The following ARHGAP30 variants were observed in gnomAD, a reference collection of about 807,000 sequenced individuals.
ARHGAP30 encodes rho GTPase-activating protein 30.
A neutral mutation model predicts 72.0 loss-of-function variants in ARHGAP30; 23 were observed. The ratio of observed to expected loss-of-function variants is 0.32; its 90% CI spans 0.23 to 0.45. The LOEUF is 0.45. ARHGAP30 is among the 20% of genes least tolerant of loss of function. The pLI, the probability that ARHGAP30 is intolerant of heterozygous loss-of-function variation, is 1.00. For synonymous variants in ARHGAP30, 576 were observed against 528.2 expected (o/e 1.09, Z -1.24); for missense variants, 1,319 against 1,383.4 (o/e 0.95, Z 0.74).
chr1:161,054,193 A>C (rs1450004541), intron 5 of ARHGAP30, among the ~76,000 whole-genome samples, 173 bp downstream of exon 5: 1 of 152,216 alleles, frequency 6.6e-6, no homozygotes, highest in Non-Finnish European at 1.5e-5. Flanking sequence ...AGGGACTAAA[A>C]TAGATGGGGC....
At chr1:161,057,212 T>A (rs1175383764) in intron 2 of ARHGAP30, among the ~76,000 whole-genome samples, 1 of 151,648 alleles carries the variant, frequency 6.6e-6, no homozygotes, top group Non-Finnish European at 1.5e-5. Flanking sequence ...TGGCATGCAG[T>A]GGCACGATCT....
At chr1:161,062,777 AC>A (rs1652413993) in intron 1 of ARHGAP30, among the ~76,000 whole-genome samples, 1 of 151,424 alleles carries the variant, frequency 6.6e-6, no homozygotes, top group Non-Finnish European at 1.5e-5. Flanking sequence ...CCAATTCCAA[AC>A]CTTTTTCTTA....
chr1:161,049,151 G>T lies in ARHGAP30; in HGVS notation c.1870C>A (p.Pro624Thr). 1 of 1,614,194 alleles carries T rather than the reference G, an allele frequency of 6.2e-7. No homozygotes were observed. ...CTCCCTGAACCCTTCCAGATTGGGG[G>T]TTTAGGTCCCAGAAGGGGACTTAGG... ...DDLSPLLGPKPPIWKGSGSLE... is the reference protein window; with the variant it reads ...DDLSPLLGPKTPIWKGSGSLE... The change falls in exon 12 of 12, where the codon CCC (proline) becomes ACC (threonine). Residue 624 changes from proline to threonine, a missense_variant. Coordinates refer to ENST00000368013, the MANE Select transcript of ARHGAP30 (RefSeq NM_001025598.2).
chr1:161,054,276 T>C, intron 5 of ARHGAP30, 90 bp downstream of exon 5: 1 of 1,198,244 alleles, frequency 8.3e-7, no homozygotes, highest in Non-Finnish European at 1.2e-6. Flanking sequence ...TTCTCCAGTG[T>C]ACCCACACAG....
intron 5 of ARHGAP30, 23 bp from the exon 6 acceptor site, chr1:161,053,408 TC>T: frequency 6.2e-7 from 1 of 1,605,670 alleles, no homozygotes; most frequent in Non-Finnish European, 8.5e-7. Flanking sequence ...GGAATTATTC[TC>T]CCCCTCAGCC....
rs1169566059 is a variant in ARHGAP30, at chr1:161,047,921, A to T, written c.3100T>A (p.Ser1034Thr). 7 of 1,612,748 alleles carry T rather than the reference A, an allele frequency of 4.3e-6. No individual in the cohort carries two copies. The highest frequency in any genetic ancestry group is 3.3e-4 in the Middle Eastern group (2 of 6,074). The part of the protein sequence containing the change: ...GGDYCLIPRT[S>T]PCSMISAHSP... ...TGGGCAGAGATCATGCTACAAGGGG[A>T]GGTTCTGGGGATGAGGCAGTAATCC... The change falls in exon 12 of 12, where the codon TCC becomes ACC. Residue 1034 changes from serine (S) to threonine (T), a missense_variant. By Grantham distance (58) the Ser-to-Thr change is moderately conservative (BLOSUM62 1). Coordinates refer to ENST00000368013, the MANE Select transcript of ARHGAP30 (RefSeq NM_001025598.2).
chr1:161,053,481 TC>T, intron 5 of ARHGAP30, 96 bp from the exon 6 acceptor site: 8 of 1,190,068 alleles, frequency 6.7e-6, no homozygotes, highest in Admixed American at 4.4e-5. Context: ...TCTCTCTCTC[TC>T]TCTCTCTCTC....
At chr1:161,060,871 C>T (rs1016674801) in intron 1 of ARHGAP30, among the ~76,000 whole-genome samples, 1 of 151,396 alleles carries the variant, frequency 6.6e-6, no homozygotes, top group Non-Finnish European at 1.5e-5. Context: ...CTCCAGCTAA[C>T]TTTTTTGTAT....
Position 161,054,768 on chromosome 1 carries a change from A to G in ARHGAP30, c.346-63T>C, listed in dbSNP as rs1651704081. The G allele has an allele frequency of 2.7e-6, 4 of 1,458,324 alleles. No homozygotes were observed. The South Asian group carries it at 3.4e-5, about 12-fold the overall frequency. 90.3% of individuals were successfully genotyped at this position (1,458,324 alleles called of 1,614,324 possible). ...CCAGCAATGCCCCTGCTTACTCCCC[A>G]GAGCTTGTAACCAAGTTCTCAGGAA... On this transcript the variant is annotated intron_variant, in intron 3 of 11. Coordinates refer to ENST00000368013, the MANE Select transcript of ARHGAP30 (RefSeq NM_001025598.2).
At chr1:161,059,465 G>T (rs1330704708) in intron 2 of ARHGAP30, 149 bp downstream of exon 2, 3 of 564,810 alleles carry the variant, frequency 5.3e-6, no homozygotes, top group Non-Finnish European at 9.0e-6. Context: ...AGTTGTTAGA[G>T]CACCTCCCTA....
intron 1 of ARHGAP30, among the ~76,000 whole-genome samples, chr1:161,060,697 C>CTTTTT (rs1311336285): frequency 9.7e-6 from 1 of 103,462 alleles, no homozygotes; most frequent in African/African-American, 4.5e-5. Context: ...GAGTCAAGGA[C>CTTTTT]TTTTTTTTTT....
At chr1:161,064,641 C>G (rs986999582) in intron 1 of ARHGAP30, among the ~76,000 whole-genome samples, 1 of 151,826 alleles carries the variant, frequency 6.6e-6, no homozygotes, top group African/African-American at 2.4e-5. Flanking sequence ...ACCTGTAGTC[C>G]CAGCTACTCA....
chr1:161,049,825 C>G, intron 10 of ARHGAP30, 136 bp from the exon 11 acceptor site: 1 of 1,215,860 alleles, frequency 8.2e-7, no homozygotes, highest in East Asian at 2.5e-5. Flanking sequence ...CCTTTCAGAC[C>G]AATGTCCCTA....
At chr1:161,055,510 C>T (rs566110824) in intron 3 of ARHGAP30, among the ~76,000 whole-genome samples, 51 of 152,046 alleles carry the variant, frequency 3.4e-4, no homozygotes, top group African/African-American at 1.1e-3. Context: ...AAAAAACAGG[C>T]TGGGCGCAGG....
rs1265334141 is a variant in ARHGAP30, at chr1:161,052,271, C to T, written c.1018+15G>A. On this transcript the variant is annotated intron_variant, in intron 9 of 11. Transcript: ENST00000368013. ...GCACACACACATACACACAGAAATG[C>T]ACCCCTATACTCACCATCACTGGCC... is the stretch of plus-strand genomic sequence containing the variant. The T allele has an allele frequency of 4.3e-6, 7 of 1,613,436 alleles. No individual in the cohort carries two copies. Among genetic ancestry groups the T allele is most frequent in the Non-Finnish European group, 5.9e-6 (7 of 1,179,884 alleles).
chr1:161,049,341 G>A lies in ARHGAP30; in HGVS notation c.1687-7C>T, dbSNP rs752064064. Reference sequence around the variant, plus strand: ...CCACAGAGAACTCCTCCACCTGTAGGCACAGCATTGTGACTCAGGACCAGG... The same window carrying A: ...CCACAGAGAACTCCTCCACCTGTAGACACAGCATTGTGACTCAGGACCAGG... On this transcript the variant is annotated splice_region_variant and splice_polypyrimidine_tract_variant and intron_variant, in intron 11 of 11. Coordinates refer to ENST00000368013, the MANE Select transcript of ARHGAP30 (RefSeq NM_001025598.2). 1 of 1,610,402 alleles carries A rather than the reference G, an allele frequency of 6.2e-7. No individual in the cohort carries two copies. The highest frequency in any genetic ancestry group is 8.5e-7 in the Non-Finnish European group (1 of 1,177,864).
At position 161,049,454 on chromosome 1, in the gene ARHGAP30, G is replaced by A; in HGVS notation, c.1656C>T (p.Tyr552=). 6.2e-7 allele frequency: 1 copy of A among 1,612,930 alleles called. No homozygotes were observed. The highest frequency in any genetic ancestry group is 8.5e-7 in the Non-Finnish European group (1 of 1,179,434). The change falls in exon 11 of 12, where the codon TAC becomes TAT. Residue 552 remains tyrosine, a synonymous_variant. Coordinates refer to ENST00000368013, the MANE Select transcript of ARHGAP30 (RefSeq NM_001025598.2). The part of the protein sequence containing the change: ...SPGEDDPGMG[Y]LEELLGVGPQ... The stretch of plus-strand genomic sequence containing the variant: ...GCCCAACTCCCAGGAGCTCCTCCAG[G>A]TAGCCCATCCCAGGGTCGTCCTCCC...
At chr1:161,067,325 C>A (rs1235439541) in intron 1 of ARHGAP30, among the ~76,000 whole-genome samples, 1 of 152,154 alleles carries the variant, frequency 6.6e-6, no homozygotes, top group African/African-American at 2.4e-5. Flanking sequence ...GTAATCCCAG[C>A]ACTTTGGGAG....
Position 161,056,475 on chromosome 1 carries a change from G to A in ARHGAP30, c.258C>T (p.Asp86=), listed in dbSNP as rs760776990. The part of the protein sequence containing the change: ...PDLRRDVYLQ[D]IHCVSSLCKA... ...TGCACAGGGAGGAGACGCAGTGAAT[G>A]TCTTGGAGGTAAACATCCCGACGCA... The change falls in exon 3 of 12, where the codon GAC becomes GAT. Residue 86 remains aspartate, a synonymous_variant. Coordinates refer to ENST00000368013, the MANE Select transcript of ARHGAP30 (RefSeq NM_001025598.2). The A allele has an allele frequency of 1.2e-6, 2 of 1,614,024 alleles. No individual in the cohort carries two copies. Among genetic ancestry groups the A allele is most frequent in the South Asian group, 1.1e-5 (1 of 91,050 alleles).
Sources: allele counts gnomAD v4.1 joint callset (sites outside exome capture counted in the v4.1 genomes callset), GRCh38; gene constraint gnomAD v4.1.1; transcripts MANE v1.5; gene names NCBI Gene and HGNC (gene_info 2026-07-23, HGNC 2026-07-21).